Variants in ZNF823 observed in about 807,000 individuals in gnomAD.
The protein encoded by ZNF823 is zinc finger protein 823, also known as ZFP 36 for a zinc finger protein.
ZNF823 carries 5 observed loss-of-function variants against 11.4 expected under a neutral mutation model. That is an observed-to-expected ratio of 0.44 (90% CI 0.23 to 0.92). The LOEUF (loss-of-function observed/expected upper bound fraction) is 0.92. Ranked by LOEUF, ZNF823 falls within the 40% of genes least tolerant of loss-of-function variation. ZNF823 has a pLI of 0.24. For missense variants in ZNF823, 582 were observed against 738.5 expected, an observed-to-expected ratio of 0.79 and a Z score of 2.46; for synonymous variants, 234 against 250.5, an observed-to-expected ratio of 0.93 and a Z score of 0.62.
At chr19:11,727,563 A>G (rs1974814739) in intron 1 of ZNF823, among the ~76,000 whole-genome samples, 2 of 152,116 alleles carry the variant, frequency 1.3e-5, no homozygotes, top group Admixed American at 1.3e-4. Flanking sequence ...CCGCCCAAAA[A>G]AACCTTCTAA....
At chr19:11,730,976 A>T (rs1486405182) in intron 1 of ZNF823, among the ~76,000 whole-genome samples, 1 of 151,338 alleles carries the variant, frequency 6.6e-6, no homozygotes. Context: ...AGCAGCATGA[A>T]TCAAACAGAC....
chr19:11,722,254 A>C lies in ZNF823; in HGVS notation c.1280T>G (p.Leu427Arg), dbSNP rs1354686416. ...TTCATGTCTTCGAAGGGAACCGGCAAGACTGAAGGCTTTACCACATTGTTT... is the reference window on the plus strand; with the variant it reads ...TTCATGTCTTCGAAGGGAACCGGCACGACTGAAGGCTTTACCACATTGTTT... ...QCKQCGKAFSLAGSLRRHEAT... is the reference protein window; with the variant it reads ...QCKQCGKAFSRAGSLRRHEAT... The change falls in exon 4 of 4, where the codon CTT becomes CGT. Residue 427 changes from leucine (L) to arginine (R), a missense_variant. This residue lies in a region of ZNF823 where 429 missense variants were observed against 553.7 expected (regional missense o/e 0.77). Transcript: ENST00000341191. This position sits in a 1 kb window ranked among gnomAD's most constrained non-coding sequence, Gnocchi z 5.2. 6.2e-7 allele frequency: 1 copy of C among 1,613,078 alleles called. No homozygotes were observed. The highest frequency in any genetic ancestry group is 8.5e-7 in the Non-Finnish European group (1 of 1,179,746).
intron 1 of ZNF823, among the ~76,000 whole-genome samples, chr19:11,738,354 C>T (rs1281813522): frequency 6.6e-6 from 1 of 152,218 alleles, no homozygotes; most frequent in Non-Finnish European, 1.5e-5. Context: ...TCTCCACCAA[C>T]CAGCGACCCC....
At chr19:11,735,958 C>T (rs867090254) in intron 1 of ZNF823, among the ~76,000 whole-genome samples, 3 of 149,494 alleles carry the variant, frequency 2.0e-5, no homozygotes, top group Non-Finnish European at 4.4e-5. Context: ...AGTTCTTTAG[C>T]TGTTGGAAAG....
intron 1 of ZNF823, 122 bp downstream of exon 1, chr19:11,738,695 G>A (rs1975041453): frequency 7.7e-7 from 1 of 1,293,106 alleles, no homozygotes; most frequent in Non-Finnish European, 1.0e-6. Context: ...CTGCGCCAGG[G>A]GCACTGGGAT....
chr19:11,728,494 T>C (rs1974836216), intron 1 of ZNF823, among the ~76,000 whole-genome samples: 1 of 152,158 alleles, frequency 6.6e-6, no homozygotes. Flanking sequence ...ATAGGGCAAA[T>C]GAATAACAGT....
intron 1 of ZNF823, among the ~76,000 whole-genome samples, chr19:11,732,535 G>C (rs961991236): frequency 1.4e-5 from 2 of 145,894 alleles, no homozygotes; most frequent in Non-Finnish European, 3.0e-5. Flanking sequence ...TCCAGACCTC[G>C]TGATCGGCCC....
rs909152624 is a variant in ZNF823 at position 11,738,885 on chromosome 19, C to T, written c.-66G>A. ...AGTGTGGGTCCCAGCGCGACAGACGCTGATACAGACCTTCCAGGGCGTCTC... is the reference window on the plus strand; with the variant it reads ...AGTGTGGGTCCCAGCGCGACAGACGTTGATACAGACCTTCCAGGGCGTCTC... On this transcript the variant is annotated 5_prime_UTR_variant, in exon 1 of 4. Coordinates refer to ENST00000341191, the MANE Select transcript of ZNF823 (RefSeq NM_001080493.4). 1.1e-5 allele frequency: 18 copies of T among 1,572,404 alleles called. No homozygotes were observed. The highest frequency in any genetic ancestry group is 2.7e-5 in the African/African-American group (2 of 73,422).
At chr19:11,738,460 C>G (rs1318144320) in intron 1 of ZNF823, among the ~76,000 whole-genome samples, 1 of 152,248 alleles carries the variant, frequency 6.6e-6, no homozygotes. Context: ...CCCCATTAAA[C>G]TGTTTCTGCT....
chr19:11,722,572 C>A lies in ZNF823; in HGVS notation c.962G>T (p.Arg321Ile). The A allele has an allele frequency of 6.2e-7, 1 of 1,614,136 alleles. No homozygotes were observed. Among genetic ancestry groups the A allele is most frequent in the Non-Finnish European group, 8.5e-7 (1 of 1,180,036 alleles). Residue 321 changes from arginine to isoleucine, a missense_variant, in exon 4 of 4, where the codon AGA (arginine) becomes ATA (isoleucine). Physicochemically the swap from Arg to Ile is moderately conservative, Grantham distance 97. Coordinates refer to ENST00000341191, the MANE Select transcript of ZNF823 (RefSeq NM_001080493.4). The surrounding 1 kb of genome is among the most constrained non-coding windows in gnomAD (Gnocchi z 5.2). ...KTFYHHTSFR[R>I]HMIRHTGDGP... ...GTCTCCAGTGTGCCTTATCATGTGT[C>A]TTCGAAAGCTTGTGTGATGATAAAA... is the stretch of plus-strand genomic sequence containing the variant.
intron 1 of ZNF823, among the ~76,000 whole-genome samples, chr19:11,732,463 CCATTTTTTTGTATTTTTAGTAG>C (rs1974917396): frequency 7.0e-6 from 1 of 141,878 alleles, no homozygotes; most frequent in African/African-American, 2.7e-5. Context: ...CCGCGCCCGG[CCATTTTTTTGTATTTTTAGTAG>C]AAACGGGGTT....
At position 11,721,604 on chromosome 19, in the gene ZNF823, T is replaced by A. The variant is rs1974678539; in HGVS notation, c.*97A>T. On this transcript the variant is annotated 3_prime_UTR_variant, in exon 4 of 4. Transcript: ENST00000341191. ...TAAAAAAATTGAAACTACTTAAGGC[T>A]TTATCCCATGTTTACATTCATAGGG... 8.0e-7 allele frequency: 1 copy of A among 1,251,114 alleles called. No individual in the cohort carries two copies. Among genetic ancestry groups the A allele is most frequent in the African/African-American group, 1.5e-5 (1 of 66,208 alleles). The allele number at this position is 1,251,114 out of a possible 1,614,324, so 77.5% of individuals were successfully genotyped here. A position where few individuals can be genotyped will look rare whatever the true frequency, so the allele number is the denominator to read the frequency against.
rs79280676 is a variant in ZNF823 at position 11,722,367 on chromosome 19, T to C, written c.1167A>G (p.Lys389=). 3.1e-4 allele frequency: 504 copies of C among 1,614,190 alleles called. 5 individuals are homozygous for C. The East Asian group carries it at 0.011, about 36-fold the overall frequency. The change falls in exon 4 of 4, where the codon AAA becomes AAG. Residue 389 remains lysine, a synonymous_variant. Transcript: ENST00000341191. This position sits in a 1 kb window ranked among gnomAD's most constrained non-coding sequence, Gnocchi z 5.2. ...CAAAGGCTTTCCCACATATCTTGCA[T>C]TTCTGGGGTCCATCTCCTGTGTGTG... is the stretch of plus-strand genomic sequence containing the variant. ...MITHTGDGPQ[K]CKICGKAFGC...
chr19:11,731,547 C>A (rs1974894889), intron 1 of ZNF823, among the ~76,000 whole-genome samples: 1 of 152,054 alleles, frequency 6.6e-6, no homozygotes, highest in Non-Finnish European at 1.5e-5. Context: ...AACTGGGTGT[C>A]CAGTAGTTCA....
At chr19:11,724,316 A>G (rs1410409906) in intron 2 of ZNF823, 62 bp from the exon 3 acceptor site, 39 of 1,459,438 alleles carry the variant, frequency 2.7e-5, no homozygotes, top group Non-Finnish European at 3.5e-5. Flanking sequence ...AAACTCTAAG[A>G]TTTTACGCGT....
chr19:11,725,026 G>T (rs995020506), intron 2 of ZNF823, among the ~76,000 whole-genome samples, 175 bp downstream of exon 2: 4 of 152,008 alleles, frequency 2.6e-5, no homozygotes, highest in Admixed American at 1.3e-4. Context: ...AAGTTGCGGG[G>T]GACAAAAAAA....
Position 11,721,875 on chromosome 19 carries a change from T to A in ZNF823, c.1659A>T (p.Lys553Asn). The A allele has an allele frequency of 1.9e-6, 3 of 1,613,678 alleles. No homozygotes were observed. The highest frequency in any genetic ancestry group is 2.5e-6 in the Non-Finnish European group (3 of 1,179,938). The stretch of plus-strand genomic sequence containing the variant: ...TACCACATTGTAGACATTCATAGGG[T>A]TTCTCTCCAGTGTGAATTCTTTCAT... ...LRHERIHTGE[K>N]PYECLQCGKA... is the part of the protein sequence containing the mutation. The change falls in exon 4 of 4, where the codon AAA becomes AAT. Residue 553 changes from lysine (K) to asparagine (N), a missense_variant. Transcript: ENST00000341191.
intron 1 of ZNF823, among the ~76,000 whole-genome samples, chr19:11,730,993 A>T (rs1277346818): frequency 6.6e-6 from 1 of 150,758 alleles, no homozygotes; most frequent in Non-Finnish European, 1.5e-5. Flanking sequence ...AGACTGAGGC[A>T]AAGAAACTAA....
At chr19:11,732,029 A>T (rs1195479456) in intron 1 of ZNF823, among the ~76,000 whole-genome samples, 1 of 144,422 alleles carries the variant, frequency 6.9e-6, no homozygotes, top group Non-Finnish European at 1.5e-5. Context: ...AAAAAAAAAA[A>T]TTGGCTAAAA....
Sources: allele counts gnomAD v4.1 joint callset (sites outside exome capture counted in the v4.1 genomes callset), GRCh38; gene constraint gnomAD v4.1.1; regional missense constraint gnomAD v4.1.1; non-coding constraint Gnocchi (gnomAD v3.1); transcripts MANE v1.5; gene names NCBI Gene and HGNC (gene_info 2026-07-23, HGNC 2026-07-21).